Variants in ERC2 observed in about 807,000 individuals in gnomAD.
ERC2 encodes ERC protein 2.
Under a neutral mutation model 114.8 loss-of-function variants are expected in ERC2, and 42 were observed. The observed-to-expected ratio is 0.37, with a 90% CI of 0.29 to 0.47. The LOEUF (loss-of-function observed/expected upper bound fraction) is 0.47. Ranked by LOEUF, ERC2 falls within the 20% of genes least tolerant of loss-of-function variation. ERC2 has a pLI of 0.99. For synonymous variants in ERC2, 454 were observed against 425.5 expected (o/e 1.07, Z -0.82); for missense variants, 939 against 1,150.7 (o/e 0.82, Z 2.66).
At chr3:55,693,629 C>T (rs748542848) in intron 16 of ERC2, among the ~76,000 whole-genome samples, 7 of 151,944 alleles carry the variant, frequency 4.6e-5, no homozygotes, top group Non-Finnish European at 8.8e-5. Context: ...AAGGAATAAA[C>T]TCACAAAACA....
intron 2 of ERC2, among the ~76,000 whole-genome samples, chr3:56,358,542 C>G (rs772606035): frequency 6.6e-6 from 1 of 152,130 alleles, no homozygotes; most frequent in African/African-American, 2.4e-5. Flanking sequence ...CAGTGTGGTA[C>G]GTAATGCAAC....
intron 15 of ERC2, among the ~76,000 whole-genome samples, chr3:55,714,135 T>C (rs986607378): frequency 1.3e-4 from 20 of 152,200 alleles, no homozygotes; most frequent in African/African-American, 4.8e-4. Flanking sequence ...CATTTAGTGG[T>C]AAAGTTCTGG....
At chr3:55,701,294 T>C (rs1029824038) in intron 15 of ERC2, among the ~76,000 whole-genome samples, 11 of 144,916 alleles carry the variant, frequency 7.6e-5, no homozygotes, top group Middle Eastern at 3.5e-3. Flanking sequence ...CAAGAGTCTC[T>C]TTCTTGACAT....
intron 2 of ERC2, among the ~76,000 whole-genome samples, chr3:56,370,109 T>C (rs2059307439): frequency 1.3e-5 from 2 of 152,214 alleles, no homozygotes; most frequent in Non-Finnish European, 2.9e-5. Context: ...TAAGGCTGTA[T>C]GTCAACTCCA....
intron 3 of ERC2, among the ~76,000 whole-genome samples, chr3:56,210,214 T>C (rs1162668770): frequency 6.6e-6 from 1 of 152,224 alleles, no homozygotes; most frequent in Non-Finnish European, 1.5e-5. Context: ...AGTCAGTTGC[T>C]ATGGAGATGT....
chr3:55,848,139 A>G (rs907557210), intron 14 of ERC2, among the ~76,000 whole-genome samples: 2 of 152,192 alleles, frequency 1.3e-5, no homozygotes, highest in South Asian at 4.1e-4. Context: ...GTAACCAAAA[A>G]TAACAAAACT....
At chr3:55,701,238 C>G (rs1402117472) in intron 15 of ERC2, among the ~76,000 whole-genome samples, 1 of 152,208 alleles carries the variant, frequency 6.6e-6, no homozygotes, top group African/African-American at 2.4e-5. Context: ...GCAATTATTA[C>G]TATCCTCATT....
chr3:55,696,755 G>T (rs1438180710), intron 16 of ERC2, among the ~76,000 whole-genome samples: 1 of 152,100 alleles, frequency 6.6e-6, no homozygotes, highest in Non-Finnish European at 1.5e-5. Flanking sequence ...ATAGGACAAG[G>T]TATCATTCCA....
At chr3:56,449,183 G>A (rs2062721137) in intron 1 of ERC2, among the ~76,000 whole-genome samples, 1 of 152,004 alleles carries the variant, frequency 6.6e-6, no homozygotes, top group Non-Finnish European at 1.5e-5. Context: ...CCTAAGCCTA[G>A]GATGTGCACA....
chr3:55,875,643 G>C (rs947592069), intron 14 of ERC2, among the ~76,000 whole-genome samples: 1 of 151,274 alleles, frequency 6.6e-6, no homozygotes, highest in Non-Finnish European at 1.5e-5. Flanking sequence ...TCATTCCCCA[G>C]GCAAAATTGC....
chr3:55,585,779 A>T (rs1310389266), intron 17 of ERC2, among the ~76,000 whole-genome samples: 1 of 152,180 alleles, frequency 6.6e-6, no homozygotes, highest in Non-Finnish European at 1.5e-5. Context: ...AGCCATGTGA[A>T]CTACCTTTTT....
chr3:56,460,860 C>T (rs1366571126), intron 1 of ERC2, among the ~76,000 whole-genome samples: 1 of 151,894 alleles, frequency 6.6e-6, no homozygotes, highest in Admixed American at 6.6e-5. Context: ...GTGGCTCACG[C>T]CTGTAATCCT....
intron 3 of ERC2, among the ~76,000 whole-genome samples, chr3:56,267,712 T>C (rs935540507): frequency 9.2e-5 from 14 of 151,754 alleles, no homozygotes; most frequent in Non-Finnish European, 1.6e-4. Flanking sequence ...CCAGGAGGCG[T>C]AGGTTGCAGT....
At chr3:55,626,860 C>T (rs1287566212) in intron 17 of ERC2, among the ~76,000 whole-genome samples, 1 of 152,256 alleles carries the variant, frequency 6.6e-6, no homozygotes, top group African/African-American at 2.4e-5. Flanking sequence ...AGTAACATTT[C>T]TGAGTCTCAG....
At chr3:55,891,238 C>G (rs560672680) in intron 13 of ERC2, among the ~76,000 whole-genome samples, 5 of 152,246 alleles carry the variant, frequency 3.3e-5, no homozygotes, top group African/African-American at 1.2e-4. Context: ...GTTACCCTTT[C>G]CCTGCCCTGG....
chr3:55,902,736 G>A (rs941288445), intron 13 of ERC2, among the ~76,000 whole-genome samples: 1 of 152,184 alleles, frequency 6.6e-6, no homozygotes, highest in Non-Finnish European at 1.5e-5. Flanking sequence ...TGGCCATCCA[G>A]CTGAACTAAT....
chr3:56,010,503 G>C lies in ERC2; in HGVS notation c.1866C>G (p.Asn622Lys). Residue 622 changes from asparagine to lysine, a missense_variant, in exon 9 of 18, where the codon AAC becomes AAG. Transcript: ENST00000288221. ...CATTGACCTTCTCTTTCAGGTCTTT[G>C]TTCTCTTTTCGGAAGGATTCTATCT... ...LEEIESFRKENKDLKEKVNAL... is the reference protein window; with the variant it reads ...LEEIESFRKEKKDLKEKVNAL... 1 of 1,613,634 alleles carries C rather than the reference G, an allele frequency of 6.2e-7. No individual in the cohort carries two copies. Among genetic ancestry groups the C allele is most frequent in the South Asian group, 1.1e-5 (1 of 91,064 alleles).
intron 17 of ERC2, among the ~76,000 whole-genome samples, chr3:55,598,380 A>G (rs564066479): frequency 6.6e-6 from 1 of 152,366 alleles, no homozygotes; most frequent in East Asian, 1.9e-4. Flanking sequence ...AAGTTGCTTA[A>G]TGGCTGAATT....
At chr3:56,043,391 T>C (rs1305768207) in intron 7 of ERC2, among the ~76,000 whole-genome samples, 3 of 152,194 alleles carry the variant, frequency 2.0e-5, no homozygotes, top group Non-Finnish European at 4.4e-5. Context: ...GTCATAGCTA[T>C]ATATGTTATA....
Sources: gnomAD v4.1 joint callset for allele counts (sites outside exome capture counted in the v4.1 genomes callset) on GRCh38, gnomAD v4.1.1 for gene constraint, MANE v1.5 for transcripts, NCBI Gene and HGNC (gene_info 2026-07-23, HGNC 2026-07-21) for gene names.